ALG14: variants seen among roughly 807,000 people sequenced by gnomAD.
The protein encoded by ALG14 is UDP-N-acetylglucosamine transferase subunit ALG14.
A neutral mutation model predicts 22.8 loss-of-function variants in ALG14; 17 were observed. That is an observed-to-expected ratio of 0.75 (90% CI 0.51 to 1.12). The LOEUF (loss-of-function observed/expected upper bound fraction) is 1.12, where lower values mean the gene tolerates loss of function less well. ALG14 is among the 50% of genes most tolerant of loss of function. ALG14 has a pLI of 0.00. For missense variants in ALG14, 288 were observed against 271.8 expected (o/e 1.06, Z -0.42); for synonymous variants, 89 against 103.7 (o/e 0.86, Z 0.86).
intron 2 of ALG14, among the ~76,000 whole-genome samples, chr1:95,040,155 G>A (rs967002606): frequency 2.2e-4 from 33 of 150,326 alleles, no homozygotes; most frequent in African/African-American, 8.2e-4. Context: ...CTGGGTGACA[G>A]AGTGAGACCC....
chr1:95,011,418 A>C (rs1463715908), intron 3 of ALG14, among the ~76,000 whole-genome samples: 1 of 151,492 alleles, frequency 6.6e-6, no homozygotes, highest in Non-Finnish European at 1.5e-5. Flanking sequence ...TGAGAAATAA[A>C]TTTCTTTCTT....
chr1:94,998,169 G>A (rs1215980191), intron 3 of ALG14, among the ~76,000 whole-genome samples: 1 of 152,150 alleles, frequency 6.6e-6, no homozygotes, highest in African/African-American at 2.4e-5. Context: ...GTCTATTCTA[G>A]GGCATAAAAA....
At position 95,071,034 on chromosome 1, in the gene ALG14, C is replaced by T. The variant is rs191470187; in HGVS notation, c.136+1729G>A. Among the ~76,000 whole-genome samples the T allele has an allele frequency of 3.9e-5, 6 of 152,306 alleles. No homozygotes were observed. In the East Asian group the frequency reaches 1.2e-3, roughly 29 times the overall value. On this transcript the variant is annotated intron_variant, in intron 1 of 3. Transcript: ENST00000370205. ...GAGATTACAGGTGTGAACCATCACG[C>T]CCGGCCTAAACACTTTAAATATGAT...
intron 2 of ALG14, among the ~76,000 whole-genome samples, chr1:95,049,332 C>T (rs1329347297): frequency 1.3e-5 from 2 of 152,010 alleles, no homozygotes; most frequent in Admixed American, 6.6e-5. Flanking sequence ...CAGGAGTTCG[C>T]GACCAGTCTG....
At chr1:95,053,271 G>T (rs375241142) in intron 2 of ALG14, among the ~76,000 whole-genome samples, 2 of 151,940 alleles carry the variant, frequency 1.3e-5, no homozygotes, top group Non-Finnish European at 2.9e-5. Flanking sequence ...AGATAAAATA[G>T]ATTTTTTTTT....
intron 3 of ALG14, among the ~76,000 whole-genome samples, chr1:95,016,762 C>T (rs1455451605): frequency 6.6e-6 from 1 of 152,130 alleles, no homozygotes; most frequent in Non-Finnish European, 1.5e-5. Flanking sequence ...CTACTGCCCA[C>T]TCAAATCCTC....
At chr1:95,019,672 T>C (rs907419831) in intron 3 of ALG14, among the ~76,000 whole-genome samples, 2 of 152,166 alleles carry the variant, frequency 1.3e-5, no homozygotes, top group African/African-American at 4.8e-5. Context: ...TCAAATTGCA[T>C]GCTAACAGGT....
chr1:95,022,455 T>A (rs895495784), intron 3 of ALG14: 3 of 762,002 alleles, frequency 3.9e-6, no homozygotes, highest in Non-Finnish European at 4.8e-6. Flanking sequence ...ACTCTGACCA[T>A]CATCAGACTT....
chr1:95,038,716 GT>G (rs71097229), intron 2 of ALG14, among the ~76,000 whole-genome samples: 7,749 of 121,466 alleles, frequency 0.064, 114 homozygotes, highest in Non-Finnish European at 0.085. Flanking sequence ...AAACTATAAG[GT>G]TTTTTTTTTT....
At chr1:95,046,182 G>C (rs1353456397) in intron 2 of ALG14, among the ~76,000 whole-genome samples, 1 of 151,998 alleles carries the variant, frequency 6.6e-6, no homozygotes, top group Non-Finnish European at 1.5e-5. Flanking sequence ...TAACTTCTAG[G>C]TGTACTTCAG....
At chr1:95,004,699 C>T (rs556100291) in intron 3 of ALG14, among the ~76,000 whole-genome samples, 2 of 150,938 alleles carry the variant, frequency 1.3e-5, no homozygotes, top group Non-Finnish European at 3.0e-5. Flanking sequence ...GATGGGGTTT[C>T]ACCGCATTAG....
chr1:95,071,321 G>A (rs1397054753), intron 1 of ALG14, among the ~76,000 whole-genome samples: 2 of 152,078 alleles, frequency 1.3e-5, no homozygotes, highest in African/African-American at 4.8e-5. Context: ...GAGGCAGGAG[G>A]ATCACTTGAG....
At position 95,050,862 on chromosome 1, in the gene ALG14, A is replaced by AT. The variant is rs34383912; in HGVS notation, c.288+14003dup. ...TTTTCTATCAATCAATCCCTGGGTA[A>AT]TTTTTTTTTTTTTTTTTTTTGGAGA... On this transcript the variant is annotated intron_variant, in intron 2 of 3. Transcript: ENST00000370205. 8.9e-3 allele frequency among the ~76,000 whole-genome samples: 1,180 copies of AT among 131,968 alleles called. 7 individuals carry two copies. Among genetic ancestry groups the AT allele is most frequent in the South Asian group, 0.012 (50 of 4,126 alleles). 86.6% of individuals were successfully genotyped at this position (131,968 alleles called of 152,430 possible). A position where few individuals can be genotyped will look rare whatever the true frequency, so the allele number is the denominator to read the frequency against.
chr1:94,987,845 A>C (rs550113940), intron 3 of ALG14, among the ~76,000 whole-genome samples: 2 of 152,324 alleles, frequency 1.3e-5, no homozygotes, highest in African/African-American at 4.8e-5. Context: ...GAGCATATGA[A>C]GGTAAGACTG....
intron 3 of ALG14, among the ~76,000 whole-genome samples, chr1:95,026,461 AAT>A (rs1016821753): frequency 8.2e-5 from 10 of 122,252 alleles, no homozygotes; most frequent in African/African-American, 2.6e-4. Context: ...AAGCCCAAGG[AAT>A]GTGTGTGTGT....
chr1:95,059,952 C>T (rs1675077030), intron 2 of ALG14, among the ~76,000 whole-genome samples: 1 of 151,904 alleles, frequency 6.6e-6, no homozygotes, highest in African/African-American at 2.4e-5. Context: ...TTCAGCAAGA[C>T]CCCACCTTTT....
intron 2 of ALG14, among the ~76,000 whole-genome samples, chr1:95,036,861 G>C (rs562961958): frequency 5.9e-5 from 9 of 152,284 alleles, no homozygotes; most frequent in African/African-American, 1.9e-4. Flanking sequence ...CTGGACCTCA[G>C]TGTCCCACTG....
chr1:94,980,085 C>T lies in ALG14; in HGVS notation c.*2991G>A, dbSNP rs148497069. 6.6e-6 allele frequency: 1 copy of T among 151,910 alleles called. No individual in the cohort carries two copies. The highest frequency in any genetic ancestry group is 1.9e-4 in the East Asian group (1 of 5,174). The allele number at this position is 151,910 out of a possible 1,614,324, so 9.4% of individuals were successfully genotyped here. ...AAAAAAAAAAAAGCACTCATTCAAC[C>T]CAAGGAACTGTATAGTAAAGGGGTA... On this transcript the variant is annotated 3_prime_UTR_variant, in exon 4 of 4. Coordinates refer to ENST00000370205, the MANE Select transcript of ALG14 (RefSeq NM_144988.4).
At chr1:95,055,881 G>T (rs1417994366) in intron 2 of ALG14, among the ~76,000 whole-genome samples, 4 of 147,978 alleles carry the variant, frequency 2.7e-5, no homozygotes, top group African/African-American at 9.9e-5. Context: ...GTGGTGGCGG[G>T]TGCCTGTAGT....
Sources: allele counts gnomAD v4.1 joint callset (sites outside exome capture counted in the v4.1 genomes callset), GRCh38; gene constraint gnomAD v4.1.1; transcripts MANE v1.5; gene names NCBI Gene and HGNC (gene_info 2026-07-23, HGNC 2026-07-21).